The following BOD1 variants were observed in gnomAD, a reference collection of about 807,000 sequenced individuals.
The protein encoded by BOD1 is biorientation of chromosomes in cell division 1, also known as biorientation of chromosomes in cell division protein 1.
Under a neutral mutation model 15.7 loss-of-function variants are expected in BOD1, and 11 were observed. The ratio of observed to expected loss-of-function variants is 0.70; its 90% confidence interval spans 0.44 to 1.16. The LOEUF (loss-of-function observed/expected upper bound fraction) is 1.16, where lower values mean the gene tolerates loss of function less well. Ranked by LOEUF, BOD1 falls within the 50% of genes most tolerant of loss-of-function variation. The pLI, the probability that BOD1 is intolerant of heterozygous loss-of-function variation, is 0.00. For missense variants in BOD1, 182 were observed against 244.5 expected, an observed-to-expected ratio of 0.74 and a Z score of 1.70; for synonymous variants, 105 against 103.5, an observed-to-expected ratio of 1.01 and a Z score of -0.09.
At position 173,616,568 on chromosome 5, in the gene BOD1, A is replaced by C. The variant is rs1381006054; in HGVS notation, c.-132T>G. 1 of 1,378,570 alleles carries C rather than the reference A, an allele frequency of 7.3e-7. No individual in the cohort carries two copies. The highest frequency in any genetic ancestry group is 1.5e-5 in the African/African-American group (1 of 65,004). The allele number at this position is 1,378,570 out of a possible 1,614,324, so 85.4% of individuals were successfully genotyped here. A position where few individuals can be genotyped will look rare whatever the true frequency, so the allele number is the denominator to read the frequency against. ...CAAGGCGGCAGCGGCGGAGGTGGCG[A>C]TGGCGGCAGGGGCGGTGGTGGGGGC... On this transcript the variant is annotated 5_prime_UTR_variant, in exon 1 of 4. Coordinates refer to ENST00000311086, the MANE Select transcript of BOD1 (RefSeq NM_138369.3).
intron 1 of BOD1, 124 bp from the exon 2 acceptor site, chr5:173,613,379 G>A (rs1755407674): frequency 1.7e-6 from 2 of 1,168,562 alleles, no homozygotes; most frequent in South Asian, 1.3e-5. Context: ...CACTGTGCAT[G>A]AAGATCACCA....
chr5:173,610,704 G>C (rs1187240041), intron 2 of BOD1, among the ~76,000 whole-genome samples: 4 of 152,218 alleles, frequency 2.6e-5, no homozygotes, highest in Middle Eastern at 6.8e-3. Flanking sequence ...GGATTCACAG[G>C]GTCCTTTACC....
chr5:173,609,242 G>T lies in BOD1; in HGVS notation c.555C>A (p.Ser185=). ...QDPPAPSQDT[S] is the part of the protein sequence containing the mutation. ...ACAGAAGATAGGATACTGGACCTTA[G>T]GAAGTGTCCTGAGATGGAGCTGGAG... The change falls in exon 3 of 4, where the codon TCC becomes TCA. Residue 185 remains serine (S), a synonymous_variant. Coordinates refer to ENST00000311086, the MANE Select transcript of BOD1 (RefSeq NM_138369.3). 1 of 1,612,802 alleles carries T rather than the reference G, an allele frequency of 6.2e-7. No individual in the cohort carries two copies. Among genetic ancestry groups the T allele is most frequent in the Non-Finnish European group, 8.5e-7 (1 of 1,179,590 alleles).
At chr5:173,610,422 G>C (rs1298762953) in intron 2 of BOD1, among the ~76,000 whole-genome samples, 2 of 152,180 alleles carry the variant, frequency 1.3e-5, no homozygotes, top group Non-Finnish European at 2.9e-5. Flanking sequence ...GCTGTGAACT[G>C]GGAAAGATGA....
Position 173,615,934 on chromosome 5 carries a change from T to C in BOD1, c.237+266A>G, listed in dbSNP as rs572773984. On this transcript the variant is annotated intron_variant, in intron 1 of 3. Transcript: ENST00000311086. ...CAGAGGAGTTCCATCTTGGGAATGA[T>C]ACGGTCTAGGCTCTAAAACCCACAT... is the stretch of plus-strand genomic sequence containing the variant. Among the ~76,000 whole-genome samples the C allele has an allele frequency of 1.4e-4, 22 of 152,316 alleles. No homozygotes were observed. The South Asian group carries it at 4.3e-3, about 30-fold the overall frequency.
Position 173,607,957 on chromosome 5 carries a change from C to G in BOD1, c.*337G>C. On this transcript the variant is annotated 3_prime_UTR_variant, in exon 4 of 4. Coordinates refer to ENST00000311086, the MANE Select transcript of BOD1 (RefSeq NM_138369.3). The stretch of plus-strand genomic sequence containing the variant: ...TGTAGCTTCCGTTTATCCCACAGCA[C>G]AAACCCTAAAGTCCATGTGCAGTCT... 1 of 335,720 alleles carries G rather than the reference C, an allele frequency of 3.0e-6. No individual in the cohort carries two copies. The highest frequency in any genetic ancestry group is 7.0e-5 in the South Asian group (1 of 14,266). The allele number at this position is 335,720 out of a possible 1,614,324, so 20.8% of individuals were successfully genotyped here.
In BOD1 at chr5:173,616,494, G is replaced by A. The variant is rs1755509876; in HGVS notation, c.-58C>T. ...TATAGCTTCTTCTCCAGGACAGAAG[G>A]CCTAGAACGTGTAGAGGTGGTGAAG... On this transcript the variant is annotated 5_prime_UTR_variant, in exon 1 of 4. Coordinates refer to ENST00000311086, the MANE Select transcript of BOD1 (RefSeq NM_138369.3). The A allele has an allele frequency of 1.3e-6, 2 of 1,540,946 alleles. No individual in the cohort carries two copies. Among genetic ancestry groups the A allele is most frequent in the Non-Finnish European group, 1.7e-6 (2 of 1,154,990 alleles).
chr5:173,607,465 A>G lies in BOD1; in HGVS notation c.*829T>C, dbSNP rs1159095277. 6.6e-6 allele frequency: 1 copy of G among 152,258 alleles called. No individual in the cohort carries two copies. Among genetic ancestry groups the G allele is most frequent in the Non-Finnish European group, 1.5e-5 (1 of 68,052 alleles). The allele number at this position is 152,258 out of a possible 1,614,324, so 9.4% of individuals were successfully genotyped here. On this transcript the variant is annotated 3_prime_UTR_variant, in exon 4 of 4. Transcript: ENST00000311086. ...ATCATGTGTGGTGCACAGAGGCAGA[A>G]GACAAAGGTTGCCCTTCACAGACCT...
At chr5:173,608,672 A>G (rs1755268921) in intron 3 of BOD1, among the ~76,000 whole-genome samples, 1 of 152,216 alleles carries the variant, frequency 6.6e-6, no homozygotes, top group Non-Finnish European at 1.5e-5. Context: ...AACCTGCAAA[A>G]AGCATTCTTT....
At chr5:173,612,816 A>G (rs1385057571) in intron 2 of BOD1, among the ~76,000 whole-genome samples, 1 of 152,246 alleles carries the variant, frequency 6.6e-6, no homozygotes, top group African/African-American at 2.4e-5. Context: ...ATATCTTGGT[A>G]TAAAACTCAC....
chr5:173,608,679 C>T (rs1755269346), intron 3 of BOD1, among the ~76,000 whole-genome samples: 1 of 152,188 alleles, frequency 6.6e-6, no homozygotes, highest in African/African-American at 2.4e-5. Context: ...AAAAAGCATT[C>T]TTTTGTACAT....
rs946688355 is a variant in BOD1, at chr5:173,608,105, G to T, written c.*189C>A. The T allele has an allele frequency of 2.1e-6, 1 of 484,944 alleles. No individual in the cohort carries two copies. The highest frequency in any genetic ancestry group is 3.7e-6 in the Non-Finnish European group (1 of 270,374). The allele number at this position is 484,944 out of a possible 1,614,324, so 30.0% of individuals were successfully genotyped here. A position where few individuals can be genotyped will look rare whatever the true frequency, so the allele number is the denominator to read the frequency against. On this transcript the variant is annotated 3_prime_UTR_variant, in exon 4 of 4. Transcript: ENST00000311086. ...CTGGCCAAATGGCAGCACAATGCAGGGGGTGACACGGTCAACTCTCCCACT... is the reference window on the plus strand; with the variant it reads ...CTGGCCAAATGGCAGCACAATGCAGTGGGTGACACGGTCAACTCTCCCACT...
At chr5:173,615,458 C>T (rs1018030719) in intron 1 of BOD1, among the ~76,000 whole-genome samples, 2 of 152,216 alleles carry the variant, frequency 1.3e-5, no homozygotes, top group Non-Finnish European at 2.9e-5. Context: ...AGTCCAGTGA[C>T]AGGGTCTCCT....
chr5:173,609,674 G>A (rs967696016), intron 2 of BOD1: 19 of 451,102 alleles, frequency 4.2e-5, no homozygotes, highest in African/African-American at 3.1e-4. Flanking sequence ...ACCCAACCTT[G>A]TACAAAAGAA....
chr5:173,611,994 A>G (rs1011621441), intron 2 of BOD1, among the ~76,000 whole-genome samples: 7 of 152,240 alleles, frequency 4.6e-5, no homozygotes, highest in African/African-American at 1.7e-4. Context: ...GACATGTAAT[A>G]AAGAGTTGCT....
intron 2 of BOD1, among the ~76,000 whole-genome samples, chr5:173,610,075 T>C (rs1333791728): frequency 1.3e-5 from 2 of 152,164 alleles, no homozygotes; most frequent in African/African-American, 4.8e-5. Flanking sequence ...CTTTCTGAAG[T>C]AGAGCAAAAA....
chr5:173,608,257 A>G lies in BOD1; in HGVS notation c.*37T>C. The stretch of plus-strand genomic sequence containing the variant: ...CTTATGTAACCGAATCCATTTCTTC[A>G]CCAAAAATTAGCTTTCAAAAGGTGT... On this transcript the variant is annotated 3_prime_UTR_variant, in exon 4 of 4. Transcript: ENST00000311086. The G allele has an allele frequency of 6.2e-7, 1 of 1,612,036 alleles. No homozygotes were observed. The highest frequency in any genetic ancestry group is 8.5e-7 in the Non-Finnish European group (1 of 1,178,094).
chr5:173,608,439 A>G lies in BOD1; in HGVS notation c.*2-147T>C, dbSNP rs1581240539. 9 of 655,828 alleles carry G rather than the reference A, an allele frequency of 1.4e-5. No individual in the cohort carries two copies. In the East Asian group the frequency reaches 2.5e-4, roughly 19 times the overall value. 40.6% of individuals were successfully genotyped at this position (655,828 alleles called of 1,614,324 possible). A position where few individuals can be genotyped will look rare whatever the true frequency, so the allele number is the denominator to read the frequency against. On this transcript the variant is annotated intron_variant, in intron 3 of 3. Transcript: ENST00000311086. ...ATATTGGACTCAAGGGCTTCTCTCA[A>G]TAGAGGAACAAAAAGACAGTCCTGA...
rs369638737 is a variant in BOD1 at position 173,613,224 on chromosome 5, T to C, written c.269A>G (p.Asp90Gly). ...GTCCAGATGTGTTGACACAAAATTATCCACTTTCTGCCTCAGGTTTTGGTA... is the reference window on the plus strand; with the variant it reads ...GTCCAGATGTGTTGACACAAAATTACCCACTTTCTGCCTCAGGTTTTGGTA... ...PAYQNLRQKV[D>G]NFVSTHLDKQ... The change falls in exon 2 of 4, where the codon GAT becomes GGT. Residue 90 changes from aspartate (D) to glycine (G), a missense_variant. Physicochemically the swap from Asp to Gly is moderately conservative, Grantham distance 94 (BLOSUM62 -1). Transcript: ENST00000311086. 3 of 1,510,396 alleles carry C rather than the reference T, an allele frequency of 2.0e-6. No homozygotes were observed. The African/African-American group carries it at 5.2e-5, about 26-fold the overall frequency. The allele number at this position is 1,510,396 out of a possible 1,614,324, so 93.6% of individuals were successfully genotyped here.
Sources: gnomAD v4.1 joint callset for allele counts (sites outside exome capture counted in the v4.1 genomes callset) on GRCh38, gnomAD v4.1.1 for gene constraint, MANE v1.5 for transcripts, NCBI Gene and HGNC (gene_info 2026-07-23, HGNC 2026-07-21) for gene names.